The following GRIK2 variants were observed in gnomAD, a reference collection of about 807,000 sequenced individuals.
GRIK2 encodes glutamate receptor ionotropic, kainate 2.
In GRIK2, 32 loss-of-function variants were observed where a neutral mutation model predicts 100.3. That is an observed-to-expected ratio of 0.32 (90% CI 0.24 to 0.43). The LOEUF (loss-of-function observed/expected upper bound fraction) is 0.43, where lower values mean the gene tolerates loss of function less well. GRIK2 is among the 20% of genes least tolerant of loss of function. The probability of loss-of-function intolerance (pLI) is 1.00; values close to 1 mark genes in which losing one functional copy is unlikely to be tolerated. For synonymous variants in GRIK2, 417 were observed against 389.4 expected, an observed-to-expected ratio of 1.07 and a Z score of -0.83; for missense variants, 843 against 1,114.9, an observed-to-expected ratio of 0.76 and a Z score of 3.47.
At chr6:101,711,781 G>GT (rs1490367366) in intron 7 of GRIK2, among the ~76,000 whole-genome samples, 3 of 151,632 alleles carry the variant, frequency 2.0e-5, no homozygotes, top group African/African-American at 7.3e-5. Flanking sequence ...CTAAAAACAT[G>GT]TAGTGGCATT....
rs368357908 is a variant in GRIK2 at position 101,777,344 on chromosome 6, T to C, written c.952-22304T>C. Among the ~76,000 whole-genome samples, 13 of 152,242 alleles carry C rather than the reference T, an allele frequency of 8.5e-5. No individual in the cohort carries two copies. The East Asian group carries it at 2.3e-3, about 27-fold the overall frequency. Reference sequence around the variant, plus strand: ...TGTTCTCCATGTGTGACCCCCTCCTTCTTGCTCAGAGGGGTGGGCGATTGT... The same window carrying C: ...TGTTCTCCATGTGTGACCCCCTCCTCCTTGCTCAGAGGGGTGGGCGATTGT... On this transcript the variant is annotated intron_variant, in intron 7 of 16. Transcript: ENST00000369134.
At chr6:101,918,584 C>A (rs969015344) in intron 12 of GRIK2, among the ~76,000 whole-genome samples, 1 of 151,652 alleles carries the variant, frequency 6.6e-6, no homozygotes, top group African/African-American at 2.4e-5. Context: ...AGTTTGAAAA[C>A]GGCTTTGCAC....
At chr6:101,819,841 T>G (rs1281003587) in intron 10 of GRIK2, among the ~76,000 whole-genome samples, 1 of 152,164 alleles carries the variant, frequency 6.6e-6, no homozygotes, top group Non-Finnish European at 1.5e-5. Flanking sequence ...GGTGACTGCT[T>G]GAACAAGGAC....
At chr6:101,596,205 C>A (rs2128308321) in intron 2 of GRIK2, among the ~76,000 whole-genome samples, 2 of 147,394 alleles carry the variant, frequency 1.4e-5, no homozygotes, top group Non-Finnish European at 3.0e-5. Flanking sequence ...TTAAACTAAT[C>A]CTTTTTTTTT....
At chr6:101,965,123 A>G (rs1430313216) in intron 14 of GRIK2, among the ~76,000 whole-genome samples, 1 of 152,158 alleles carries the variant, frequency 6.6e-6, no homozygotes, top group Non-Finnish European at 1.5e-5. Context: ...TGCTTTTGCT[A>G]TAAGAAACTT....
chr6:101,450,784 G>C (rs1400915590), intron 2 of GRIK2, among the ~76,000 whole-genome samples: 1 of 151,828 alleles, frequency 6.6e-6, no homozygotes, highest in Non-Finnish European at 1.5e-5. Context: ...GTAAAGAAAA[G>C]AAGGAAAAAG....
intron 12 of GRIK2, among the ~76,000 whole-genome samples, chr6:101,909,762 A>G (rs1788538997): frequency 6.6e-6 from 1 of 151,122 alleles, no homozygotes; most frequent in African/African-American, 2.4e-5. Context: ...ACAGATATAT[A>G]TGCATTGTGT....
chr6:102,024,751 G>A (rs996132905), intron 14 of GRIK2, among the ~76,000 whole-genome samples: 1 of 150,996 alleles, frequency 6.6e-6, no homozygotes, highest in Non-Finnish European at 1.5e-5. Context: ...CAATAATGTG[G>A]CTATCCTTCT....
chr6:101,853,683 A>T (rs903781286), intron 10 of GRIK2, among the ~76,000 whole-genome samples: 3 of 152,188 alleles, frequency 2.0e-5, no homozygotes, highest in Non-Finnish European at 4.4e-5. Context: ...CTTGGAAGCC[A>T]CCAAAATTTT....
At chr6:101,805,060 G>T (rs776434741) in intron 9 of GRIK2, among the ~76,000 whole-genome samples, 28 of 151,834 alleles carry the variant, frequency 1.8e-4, no homozygotes, top group Non-Finnish European at 3.2e-4. Context: ...GTCTTACACT[G>T]AATCATGAGG....
At chr6:101,836,476 G>T (rs1475341955) in intron 10 of GRIK2, among the ~76,000 whole-genome samples, 2 of 129,454 alleles carry the variant, frequency 1.5e-5, no homozygotes, top group African/African-American at 7.3e-5. Context: ...ATGTTGAAAT[G>T]ATAGTGATAA....
intron 14 of GRIK2, among the ~76,000 whole-genome samples, chr6:102,026,018 G>A (rs1769678172): frequency 2.7e-5 from 4 of 149,618 alleles, no homozygotes; most frequent in Admixed American, 1.3e-4. Flanking sequence ...GCTTACTAGG[G>A]TGATTAAATA....
chr6:101,852,199 C>G (rs191442791), intron 10 of GRIK2, among the ~76,000 whole-genome samples: 150 of 152,108 alleles, frequency 9.9e-4, no homozygotes, highest in African/African-American at 3.4e-3. Flanking sequence ...CAAAACAAAA[C>G]AAACTCTGTA....
intron 10 of GRIK2, among the ~76,000 whole-genome samples, chr6:101,819,940 G>A (rs963038709): frequency 6.6e-5 from 10 of 152,040 alleles, no homozygotes; most frequent in Non-Finnish European, 1.3e-4. Context: ...AATCCTTATT[G>A]ACCATTAAAA....
At chr6:101,866,475 T>C (rs1337528745) in intron 11 of GRIK2, among the ~76,000 whole-genome samples, 1 of 152,200 alleles carries the variant, frequency 6.6e-6, no homozygotes, top group Admixed American at 6.5e-5. Flanking sequence ...TCATAGTTCA[T>C]GTATTTTCTT....
At chr6:101,639,101 G>A (rs1420200456) in intron 4 of GRIK2, among the ~76,000 whole-genome samples, 1 of 152,056 alleles carries the variant, frequency 6.6e-6, no homozygotes, top group Admixed American at 6.6e-5. Flanking sequence ...ATGCAGTGGC[G>A]CAATCTCGGC....
chr6:101,636,616 G>T (rs2518313), intron 4 of GRIK2, among the ~76,000 whole-genome samples: 25,923 of 151,744 alleles, frequency 0.17, 2,360 homozygotes, highest in African/African-American at 0.25. Flanking sequence ...ATGCCAACAC[G>T]GAAAGACAAA....
intron 4 of GRIK2, among the ~76,000 whole-genome samples, chr6:101,641,146 G>T (rs1781261099): frequency 6.6e-6 from 1 of 151,802 alleles, no homozygotes; most frequent in African/African-American, 2.4e-5. Context: ...TATAAATTGA[G>T]ATTTAAAACA....
At chr6:101,418,597 G>C (rs1300968274) in intron 2 of GRIK2, among the ~76,000 whole-genome samples, 1 of 152,162 alleles carries the variant, frequency 6.6e-6, no homozygotes, top group African/African-American at 2.4e-5. Context: ...CTTTCCAAGG[G>C]AGTATGGTGG....
Sources: gnomAD v4.1 joint callset for allele counts (sites outside exome capture counted in the v4.1 genomes callset) on GRCh38, gnomAD v4.1.1 for gene constraint, MANE v1.5 for transcripts, NCBI Gene and HGNC (gene_info 2026-07-23, HGNC 2026-07-21) for gene names.